CATSPERB: variants seen among roughly 807,000 people sequenced by gnomAD.
CATSPERB encodes cation channel sperm-associated auxiliary subunit beta.
Under a neutral mutation model 128.3 loss-of-function variants are expected in CATSPERB, and 93 were observed. That is an observed-to-expected ratio of 0.72 (90% CI 0.61 to 0.86). CATSPERB has a LOEUF of 0.86. Among genes scored for constraint, CATSPERB ranks in the 40% least tolerant of loss-of-function variants. CATSPERB has a pLI of 0.00. For synonymous variants in CATSPERB, 381 were observed against 448.8 expected, an observed-to-expected ratio of 0.85 and a Z score of 1.91; for missense variants, 1,153 against 1,329.5, an observed-to-expected ratio of 0.87 and a Z score of 2.06.
Position 91,636,415 on chromosome 14 carries a change from A to AT in CATSPERB, c.1742+9dup. On this transcript the variant is annotated intron_variant, in intron 17 of 26. Transcript: ENST00000256343. ...ACCAATATGCCATCTAAATAAATGC[A>AT]TATCACTACCCAGAGTGTATCACTT... is the stretch of plus-strand genomic sequence containing the variant. 6.2e-7 allele frequency: 1 copy of AT among 1,609,774 alleles called. No homozygotes were observed. The highest frequency in any genetic ancestry group is 1.3e-5 in the African/African-American group (1 of 74,738).
intron 15 of CATSPERB, among the ~76,000 whole-genome samples, chr14:91,656,056 C>T (rs973608915): frequency 2.6e-5 from 4 of 152,044 alleles, no homozygotes; most frequent in African/African-American, 9.7e-5. Context: ...TTTTTTAAAA[C>T]TTTTATCCCA....
In CATSPERB at chr14:91,591,948, A is replaced by G. The variant is rs1893412708; in HGVS notation, c.2764T>C (p.Cys922Arg). ...TGTGAAAACTTCTGATCCTTTGTGC[A>G]GTTACACTCCTCCCGAGTGGAAACA... ...ANVSTREECN[C>R]TKDQKFSHAV... Residue 922 changes from cysteine to arginine, a missense_variant, in exon 23 of 27, where the codon TGC (cysteine) becomes CGC (arginine). Physicochemically the swap from Cys to Arg is radical, Grantham distance 180 (BLOSUM62 -3). Coordinates refer to ENST00000256343, the MANE Select transcript of CATSPERB (RefSeq NM_024764.4). 15 of 1,614,024 alleles carry G rather than the reference A, an allele frequency of 9.3e-6. No homozygotes were observed. Among genetic ancestry groups the G allele is most frequent in the Non-Finnish European group, 1.3e-5 (15 of 1,180,006 alleles).
intron 7 of CATSPERB, among the ~76,000 whole-genome samples, chr14:91,704,047 C>T (rs530464309): frequency 9.2e-5 from 14 of 152,112 alleles, no homozygotes; most frequent in African/African-American, 2.2e-4. Context: ...GACACCTACT[C>T]GGTCATCCAC....
intron 11 of CATSPERB, among the ~76,000 whole-genome samples, chr14:91,676,738 G>A (rs1377147354): frequency 6.6e-6 from 1 of 152,018 alleles, no homozygotes; most frequent in Non-Finnish European, 1.5e-5. Flanking sequence ...CAATGGTATG[G>A]AACCAAAAAA....
At chr14:91,646,860 T>C (rs1894615873) in intron 15 of CATSPERB, among the ~76,000 whole-genome samples, 1 of 152,184 alleles carries the variant, frequency 6.6e-6, no homozygotes, top group Non-Finnish European at 1.5e-5. Flanking sequence ...ATAGCTTCTT[T>C]CCCCCCTAGA....
intron 15 of CATSPERB, among the ~76,000 whole-genome samples, chr14:91,648,298 T>G (rs1243881822): frequency 2.6e-5 from 4 of 152,218 alleles, no homozygotes; most frequent in Non-Finnish European, 5.9e-5. Context: ...AATGGCATGA[T>G]GAAATTCTTT....
In CATSPERB at chr14:91,723,134, C is replaced by A; in HGVS notation, c.224G>T (p.Ser75Ile). 6.5e-7 allele frequency: 1 copy of A among 1,540,178 alleles called. No individual in the cohort carries two copies. The highest frequency in any genetic ancestry group is 8.7e-7 in the Non-Finnish European group (1 of 1,142,960). The change falls in exon 4 of 27, where the codon AGT becomes ATT. Residue 75 changes from serine to isoleucine, a missense_variant. Physicochemically the swap from Ser to Ile is moderately radical, Grantham distance 142 (BLOSUM62 -2). Transcript: ENST00000256343. Reference protein sequence around the residue: ...ENEIASKAMLSVFTSGGLAPS... With the variant: ...ENEIASKAMLIVFTSGGLAPS... ...AGCAAGTCCTCCTGATGTGAACACA[C>A]TTAGCATTGCTTTTGATGCAATTTC... is the stretch of plus-strand genomic sequence containing the variant.
intron 19 of CATSPERB, among the ~76,000 whole-genome samples, chr14:91,618,718 A>T (rs1893989619): frequency 6.6e-6 from 1 of 152,238 alleles, no homozygotes; most frequent in South Asian, 2.1e-4. Context: ...TGAGCACTTC[A>T]GTGGAAAAAC....
intron 14 of CATSPERB, among the ~76,000 whole-genome samples, chr14:91,668,841 T>A (rs1053324968): frequency 2.0e-5 from 3 of 151,924 alleles, no homozygotes; most frequent in Non-Finnish European, 4.4e-5. Flanking sequence ...TCTGGACACA[T>A]CTGAACATCT....
At chr14:91,696,809 G>C (rs1895570794) in intron 7 of CATSPERB, among the ~76,000 whole-genome samples, 1 of 152,170 alleles carries the variant, frequency 6.6e-6, no homozygotes, top group Non-Finnish European at 1.5e-5. Flanking sequence ...AGAACACAAG[G>C]GCTGAGGGGT....
At chr14:91,618,480 G>T (rs1048122092) in intron 19 of CATSPERB, among the ~76,000 whole-genome samples, 31 of 152,204 alleles carry the variant, frequency 2.0e-4, no homozygotes, top group Non-Finnish European at 4.1e-4. Context: ...TTTTCTCAGA[G>T]AAATGTTTCC....
At chr14:91,675,782 C>A (rs890523594) in intron 11 of CATSPERB, among the ~76,000 whole-genome samples, 5 of 152,082 alleles carry the variant, frequency 3.3e-5, no homozygotes, top group Admixed American at 2.6e-4. Context: ...GGGATCCAAC[C>A]CTGAAGTAGA....
chr14:91,669,149 TAGAAACAGGG>T (rs1895042154), intron 14 of CATSPERB, among the ~76,000 whole-genome samples: 1 of 152,252 alleles, frequency 6.6e-6, no homozygotes, highest in African/African-American at 2.4e-5. Flanking sequence ...TAAGAAGACC[TAGAAACAGGG>T]TATCATCTTT....
Position 91,587,792 on chromosome 14 carries a change from A to G in CATSPERB, c.3057+186T>C, listed in dbSNP as rs1318266362. Among the ~76,000 whole-genome samples, 14 of 152,298 alleles carry G rather than the reference A, an allele frequency of 9.2e-5. No homozygotes were observed. The East Asian group carries it at 2.3e-3, about 25-fold the overall frequency. On this transcript the variant is annotated intron_variant, in intron 25 of 26. Coordinates refer to ENST00000256343, the MANE Select transcript of CATSPERB (RefSeq NM_024764.4). The stretch of plus-strand genomic sequence containing the variant: ...TTGCCTATCTGCTCAAAACTTTGGA[A>G]ATAATAACACCAAGGGAAATGGAGA...
intron 22 of CATSPERB, among the ~76,000 whole-genome samples, chr14:91,595,190 C>A (rs1893481559): frequency 6.6e-6 from 1 of 151,824 alleles, no homozygotes; most frequent in African/African-American, 2.4e-5. Flanking sequence ...TTATACTTGG[C>A]CTAATATTCG....
At chr14:91,646,533 G>A (rs746187537) in intron 15 of CATSPERB, among the ~76,000 whole-genome samples, 3 of 152,174 alleles carry the variant, frequency 2.0e-5, no homozygotes, top group Non-Finnish European at 4.4e-5. Flanking sequence ...CTCTCAGTAA[G>A]AGTCAAAATC....
At chr14:91,606,053 G>C (rs755553199) in intron 22 of CATSPERB, among the ~76,000 whole-genome samples, 3 of 151,958 alleles carry the variant, frequency 2.0e-5, no homozygotes, top group Non-Finnish European at 4.4e-5. Flanking sequence ...GTGGGTGCCT[G>C]TAATCCCAGC....
intron 19 of CATSPERB, among the ~76,000 whole-genome samples, 184 bp from the exon 20 acceptor site, chr14:91,617,920 C>G (rs1393901779): frequency 2.0e-5 from 3 of 152,124 alleles, no homozygotes; most frequent in Admixed American, 6.5e-5. Flanking sequence ...GGAAATGGGT[C>G]CTGATCCAGA....
chr14:91,586,546 G>GTA (rs1555358761), intron 26 of CATSPERB, among the ~76,000 whole-genome samples: 1 of 117,922 alleles, frequency 8.5e-6, no homozygotes, highest in South Asian at 3.1e-4. Flanking sequence ...GGCCGGAACA[G>GTA]GAGAGAGAGA....
Sources: gnomAD v4.1 joint callset for allele counts (sites outside exome capture counted in the v4.1 genomes callset) on GRCh38, gnomAD v4.1.1 for gene constraint, MANE v1.5 for transcripts, NCBI Gene and HGNC (gene_info 2026-07-23, HGNC 2026-07-21) for gene names.